MYO15B: variants seen among roughly 807,000 people sequenced by gnomAD.
The protein encoded by MYO15B is myosin XVB.
A neutral mutation model predicts 119.3 loss-of-function variants in MYO15B; 207 were observed. That is an observed-to-expected ratio of 1.73 (90% CI 1.55 to 1.95). MYO15B has a LOEUF of 1.95. Ranked by LOEUF, MYO15B falls within the 30% of genes most tolerant of loss-of-function variation. MYO15B has a pLI of 0.00. For synonymous variants in MYO15B, 966 were observed against 498.9 expected (o/e 1.94, Z -12.48); for missense variants, 2,264 against 1,203.1 (o/e 1.88, Z -13.04).
At position 75,623,786 on chromosome 17, in the gene MYO15B, C is replaced by G. The variant is rs556716218; in HGVS notation, c.8088C>G (p.Cys2696Trp). 11 of 703,164 alleles carry G rather than the reference C, an allele frequency of 1.6e-5. No individual in the cohort carries two copies. In the East Asian group the frequency reaches 3.0e-4, roughly 19 times the overall value. The allele number at this position is 703,164 out of a possible 1,614,324, so 43.6% of individuals were successfully genotyped here. A position where few individuals can be genotyped will look rare whatever the true frequency, so the allele number is the denominator to read the frequency against. ...TGCCCTTCCTGTCCCCACAGCTGTG[C>G]CAGCAGGAGAAGCTGAGGGATGAGA... Residue 2696 changes from cysteine (C) to tryptophan (W), a missense_variant, in exon 54 of 64, where the codon TGC becomes TGG. Physicochemically the swap from Cys to Trp is radical, Grantham distance 215. Transcript: ENST00000645453.
At position 75,626,508 on chromosome 17, in the gene MYO15B, A is replaced by G. The variant is rs73995932; in HGVS notation, c.*24A>G. 2,255 of 703,054 alleles carry G rather than the reference A, an allele frequency of 3.2e-3. 33 individuals are homozygous for G. The African/African-American group carries it at 0.033, about 10-fold the overall frequency. 43.6% of individuals were successfully genotyped at this position (703,054 alleles called of 1,614,324 possible). ...GAGAGGAGTGCAGGCCGGGGAGAGAAGAGGATGAGGCCTCCCCCGGCCCAA... is the reference window on the plus strand; with the variant it reads ...GAGAGGAGTGCAGGCCGGGGAGAGAGGAGGATGAGGCCTCCCCCGGCCCAA... On this transcript the variant is annotated 3_prime_UTR_variant, in exon 64 of 64. Transcript: ENST00000645453.
intron 43 of MYO15B, chr17:75,618,939 G>A: frequency 1.7e-6 from 1 of 596,480 alleles, no homozygotes; most frequent in Non-Finnish European, 3.0e-6. Context: ...GCAGGGGAGG[G>A]GACAGGTGAG....
At chr17:75,616,271 G>A (rs1158198760) in intron 37 of MYO15B, 41 bp from the exon 38 acceptor site, 1 of 597,234 alleles carries the variant, frequency 1.7e-6, no homozygotes, top group Admixed American at 3.0e-5. Context: ...GCCCAGCTGG[G>A]CCAGTATGGG....
chr17:75,612,354 A>G (rs751631934), intron 25 of MYO15B, among the ~76,000 whole-genome samples: 2 of 152,202 alleles, frequency 1.3e-5, no homozygotes, highest in Non-Finnish European at 2.9e-5. Context: ...AGACTTCAGC[A>G]GTAAATACAA....
intron 34 of MYO15B, 58 bp downstream of exon 34, chr17:75,615,396 G>T: frequency 1.5e-6 from 1 of 687,008 alleles, no homozygotes; most frequent in Non-Finnish European, 2.7e-6. Context: ...ACCAGCTCTG[G>T]GACTGGAGGA....
Position 75,625,642 on chromosome 17 carries a change from GCA to G in MYO15B, c.8923_8924del (p.Gln2975AspfsTer5). ...GCTGGAAGGACACAGCCCCCAGGAAGCACAGATCAGCTTCATTGGTGGGTCTG... is the reference window on the plus strand; with the variant it reads ...GCTGGAAGGACACAGCCCCCAGGAAGCAGATCAGCTTCATTGGTGGGTCTG... On this transcript the variant is annotated frameshift_variant, in exon 61 of 64. Coordinates refer to ENST00000645453, the Ensembl canonical transcript of MYO15B. LOFTEE classifies it high-confidence loss of function. The G allele has an allele frequency of 1.4e-6, 1 of 703,068 alleles. No homozygotes were observed. The highest frequency in any genetic ancestry group is 1.5e-5 in the South Asian group (1 of 67,598). 43.6% of individuals were successfully genotyped at this position (703,068 alleles called of 1,614,324 possible).
chr17:75,609,200 TCTG>T (rs2057847187), intron 21 of MYO15B, among the ~76,000 whole-genome samples: 2 of 151,778 alleles, frequency 1.3e-5, no homozygotes, highest in Non-Finnish European at 2.9e-5. Context: ...TTTAATAAGT[TCTG>T]CTGCTCTTTT....
In MYO15B at chr17:75,614,377, AC is replaced by A; in HGVS notation, c.5381+21del. ...TCTTGGCTCGTAGGTGCCACCCAGCACCCCTCTCCCTGGCCTGCTCCTGCCG... is the reference window on the plus strand; with the variant it reads ...TCTTGGCTCGTAGGTGCCACCCAGCACCCTCTCCCTGGCCTGCTCCTGCCG... On this transcript the variant is annotated intron_variant, in intron 30 of 63. Coordinates refer to ENST00000645453, the Ensembl canonical transcript of MYO15B. The A allele has an allele frequency of 1.4e-6, 1 of 699,524 alleles. No homozygotes were observed. Among genetic ancestry groups the A allele is most frequent in the East Asian group, 2.7e-5 (1 of 37,162 alleles). 43.3% of individuals were successfully genotyped at this position (699,524 alleles called of 1,614,324 possible).
chr17:75,598,312 C>G (rs148507143), intron 14 of MYO15B, among the ~76,000 whole-genome samples: 4,323 of 150,790 alleles, frequency 0.029, 98 homozygotes, highest in Non-Finnish European at 0.041. Flanking sequence ...GGCGCGGTGG[C>G]TCACGCCTGT....
intron 45 of MYO15B, 83 bp from the exon 46 acceptor site, chr17:75,619,598 G>T (rs2058581683): frequency 1.5e-6 from 1 of 689,352 alleles, no homozygotes; most frequent in Non-Finnish European, 2.7e-6. Flanking sequence ...ACAAAGCCCA[G>T]CCACTGGCCC....
chr17:75,625,142 A>C lies in MYO15B; in HGVS notation c.8708A>C (p.Gln2903Pro), dbSNP rs761417893. Residue 2903 changes from glutamine to proline, a missense_variant, in exon 60 of 64, where the codon CAG (glutamine) becomes CCG (proline). Coordinates refer to ENST00000645453, the Ensembl canonical transcript of MYO15B. ...GCACAGGTGCTGTGGGACTACCTTC[A>C]GGGGAAGCTGCCAGTCAGCGCCAAG... 3.7e-5 allele frequency: 26 copies of C among 700,438 alleles called. 1 individual carries two copies. The South Asian group carries it at 3.9e-4, about 10-fold the overall frequency. The allele number at this position is 700,438 out of a possible 1,614,324, so 43.4% of individuals were successfully genotyped here.
At chr17:75,616,815 T>C (rs1488564571) in intron 39 of MYO15B, 30 bp downstream of exon 39, 1 of 703,050 alleles carries the variant, frequency 1.4e-6, no homozygotes, top group Non-Finnish European at 2.6e-6. Flanking sequence ...TGGCCAGGGC[T>C]GTCCCGCTCC....
intron 2 of MYO15B, 84 bp from the exon 3 acceptor site, chr17:75,590,823 G>C (rs1442724586): frequency 4.3e-6 from 1 of 234,314 alleles, no homozygotes; most frequent in Non-Finnish European, 8.4e-6. Context: ...CTGGAGCCCT[G>C]CAGAGTGGGA....
chr17:75,620,855 C>G, intron 49 of MYO15B, 176 bp from the exon 50 acceptor site: 1 of 701,878 alleles, frequency 1.4e-6, no homozygotes, highest in Non-Finnish European at 2.6e-6. Flanking sequence ...GCTCTTGTGT[C>G]CCACGTGGTA....
At chr17:75,613,120 T>G in exon 27 of MYO15B, 1 of 702,742 alleles carries the variant, frequency 1.4e-6, no homozygotes. Flanking sequence ...AGAACCCAGA[T>G]GAACAGCAGA....
Position 75,616,478 on chromosome 17 carries a change from CGGT to C in MYO15B, c.6244+35_6244+37del, listed in dbSNP as rs2058377884. ...GGGAGCTGGGCAGGGCCTGGGGCTC[CGGT>C]GGCTCTGCACGCGGTTAACAGTCTT... On this transcript the variant is annotated intron_variant, in intron 38 of 63. Coordinates refer to ENST00000645453, the Ensembl canonical transcript of MYO15B. 12 of 672,690 alleles carry C rather than the reference CGGT, an allele frequency of 1.8e-5. No individual in the cohort carries two copies. In the South Asian group the frequency reaches 1.9e-4, roughly 11 times the overall value. 41.7% of individuals were successfully genotyped at this position (672,690 alleles called of 1,614,324 possible).
chr17:75,592,605 C>G, intron 8 of MYO15B, 64 bp downstream of exon 8: 1 of 638,128 alleles, frequency 1.6e-6, no homozygotes, highest in Admixed American at 2.3e-5. Context: ...GCCCGGAGGT[C>G]TGAGGAGTAG....
At chr17:75,626,008 TAGGGAC>T (rs1471397550) in intron 62 of MYO15B, 31 bp downstream of exon 62, 11 of 699,254 alleles carry the variant, frequency 1.6e-5, no homozygotes, top group East Asian at 2.7e-5. Context: ...AGCACTGGCC[TAGGGAC>T]CCTTGGGCTG....
At chr17:75,590,479 G>C (rs4789219) in intron 1 of MYO15B, 147 bp from the exon 2 acceptor site, 34,227 of 391,536 alleles carry the variant, frequency 0.087, 1,675 homozygotes, top group Middle Eastern at 0.15. Flanking sequence ...TGTAGCCTGC[G>C]CATTACTTGA....
Sources: allele counts gnomAD v4.1 joint callset (sites outside exome capture counted in the v4.1 genomes callset), GRCh38; gene constraint gnomAD v4.1.1; transcripts MANE v1.5; gene names NCBI Gene and HGNC (gene_info 2026-07-23, HGNC 2026-07-21).